MED13L: variants seen among roughly 807,000 people sequenced by gnomAD.
MED13L encodes mediator of RNA polymerase II transcription subunit 13-like.
Under a neutral mutation model 220.9 loss-of-function variants are expected in MED13L, and 7 were observed. The observed-to-expected ratio is 0.03, with a 90% confidence interval of 0.02 to 0.06. The LOEUF is 0.06. MED13L is among the 10% of genes least tolerant of loss of function. The pLI is 1.00. For synonymous variants in MED13L, 1,011 were observed against 1,015.2 expected (o/e 1.00, Z 0.08); for missense variants, 1,965 against 2,760.5 (o/e 0.71, Z 6.46).
chr12:116,050,893 C>A (rs896224193), intron 4 of MED13L, among the ~76,000 whole-genome samples: 2 of 152,064 alleles, frequency 1.3e-5, no homozygotes, highest in Non-Finnish European at 2.9e-5. Flanking sequence ...GAGCCGAGAT[C>A]ATGCACGCCA....
chr12:116,003,590 G>T (rs2288134), intron 13 of MED13L, among the ~76,000 whole-genome samples: 25,752 of 150,066 alleles, frequency 0.17, 2,392 homozygotes, highest in Middle Eastern at 0.26. Flanking sequence ...TAACCTTATT[G>T]TGTAAAATTA....
chr12:116,251,620 G>A (rs1165962781), intron 1 of MED13L, among the ~76,000 whole-genome samples: 1 of 151,328 alleles, frequency 6.6e-6, no homozygotes, highest in Non-Finnish European at 1.5e-5. Flanking sequence ...ACATTAGCCA[G>A]CATGGTGGCA....
chr12:116,249,907 T>A (rs144873877), intron 1 of MED13L, among the ~76,000 whole-genome samples: 1 of 150,010 alleles, frequency 6.7e-6, no homozygotes, highest in Non-Finnish European at 1.5e-5. Flanking sequence ...CGTCTCAGAA[T>A]GTAGGAGAGA....
In MED13L at chr12:116,017,871, T is replaced by C. The variant is rs1192844622; in HGVS notation, c.1009+1353A>G. 2.0e-5 allele frequency among the ~76,000 whole-genome samples: 3 copies of C among 152,090 alleles called. No homozygotes were observed. In the East Asian group the frequency reaches 5.8e-4, roughly 29 times the overall value. On this transcript the variant is annotated intron_variant, in intron 7 of 30. Coordinates refer to ENST00000281928, the MANE Select transcript of MED13L (RefSeq NM_015335.5). ...GCTCAAGCGATCCACCTGCCATGAC[T>C]TTCCAAAATGATGGGATTACAGGCA...
Position 116,186,966 on chromosome 12 carries a change from A to G in MED13L, c.310+50502T>C, listed in dbSNP as rs1880941112. Among the ~76,000 whole-genome samples the G allele has an allele frequency of 2.0e-5, 3 of 152,094 alleles. No individual in the cohort carries two copies. In the South Asian group the frequency reaches 6.2e-4, roughly 32 times the overall value. ...ATCTTTTCTACTGCTCTCCCAAACA[A>G]ACCTTCAACTCCAAACAGCTGCTTC... is the stretch of plus-strand genomic sequence containing the variant. On this transcript the variant is annotated intron_variant, in intron 2 of 30. Coordinates refer to ENST00000281928, the MANE Select transcript of MED13L (RefSeq NM_015335.5).
intron 2 of MED13L, among the ~76,000 whole-genome samples, chr12:116,179,236 T>TAC (rs1565915122): frequency 6.7e-6 from 1 of 148,968 alleles, no homozygotes; most frequent in Non-Finnish European, 1.5e-5. Flanking sequence ...TGTGTGTGTG[T>TAC]ACACAATTTT....
Position 115,959,743 on chromosome 12 carries a change from CCA to C in MED13L, c.*1521_*1522del, listed in dbSNP as rs1875644296. 1 of 152,584 alleles carries C rather than the reference CCA, an allele frequency of 6.6e-6. No individual in the cohort carries two copies. Among genetic ancestry groups the C allele is most frequent in the Non-Finnish European group, 1.5e-5 (1 of 68,030 alleles). 9.5% of individuals were successfully genotyped at this position (152,584 alleles called of 1,614,324 possible). A position where few individuals can be genotyped will look rare whatever the true frequency, so the allele number is the denominator to read the frequency against. ...TTATTTCTCTGCTTTCACATTCCCA[CCA>C]CACAACTTTTTTTTTAATATAATGT... is the stretch of plus-strand genomic sequence containing the variant. On this transcript the variant is annotated 3_prime_UTR_variant, in exon 31 of 31. Transcript: ENST00000281928.
chr12:116,273,042 T>C (rs1419976304), intron 1 of MED13L, among the ~76,000 whole-genome samples: 2 of 152,202 alleles, frequency 1.3e-5, no homozygotes, highest in South Asian at 2.1e-4. Flanking sequence ...TAGTGGCTCA[T>C]GCCTGTAATC....
In MED13L at chr12:115,963,865, C is replaced by G. The variant is rs189969709; in HGVS notation, c.6388-346G>C. ...AGATGCAACAATTATCAATATTCAC[C>G]ACTTTTCTGTTTTCATTTTCTTTTT... On this transcript the variant is annotated intron_variant, in intron 29 of 30. Transcript: ENST00000281928. Among the ~76,000 whole-genome samples the G allele has an allele frequency of 9.5e-4, 144 of 152,162 alleles. 1 individual carries two copies. Among genetic ancestry groups the G allele is most frequent in the African/African-American group, 3.3e-3 (136 of 41,504 alleles).
chr12:116,042,792 C>T (rs1881613340), intron 4 of MED13L, among the ~76,000 whole-genome samples: 1 of 152,088 alleles, frequency 6.6e-6, no homozygotes. Flanking sequence ...TCCTGTCTGA[C>T]TGAAGTATTA....
At chr12:116,045,577 T>C (rs1018705857) in intron 4 of MED13L, among the ~76,000 whole-genome samples, 103 of 152,158 alleles carry the variant, frequency 6.8e-4, no homozygotes, top group Non-Finnish European at 1.9e-4. Flanking sequence ...TGACATAAAA[T>C]ATGAGTCACA....
At chr12:115,997,340 C>T (rs992357180) in intron 14 of MED13L, 110 bp from the exon 15 acceptor site, 33 of 778,832 alleles carry the variant, frequency 4.2e-5, no homozygotes, top group Middle Eastern at 3.6e-4. Flanking sequence ...ATTAAATGAT[C>T]ACATCAGTTC....
chr12:115,969,806 A>T (rs1592898293), intron 27 of MED13L, among the ~76,000 whole-genome samples: 1 of 152,074 alleles, frequency 6.6e-6, no homozygotes, highest in Non-Finnish European at 1.5e-5. Flanking sequence ...TTACAGGCAT[A>T]AGCCACCGTG....
At chr12:116,139,447 G>A (rs926666778) in intron 2 of MED13L, among the ~76,000 whole-genome samples, 6 of 151,888 alleles carry the variant, frequency 4.0e-5, no homozygotes, top group Admixed American at 2.6e-4. Flanking sequence ...TTATAAATCC[G>A]CCAAGTGATC....
intron 4 of MED13L, among the ~76,000 whole-genome samples, chr12:116,046,359 C>A (rs772553233): frequency 1.0e-3 from 154 of 152,018 alleles, no homozygotes; most frequent in Admixed American, 6.4e-3. Context: ...AAAGTTAATG[C>A]TCTGATACAA....
rs56718605 is a variant in MED13L at position 116,119,810 on chromosome 12, A to T, written c.311-8298T>A. ...CAAGAGAGAAAGACCCCATATCTTT[A>T]AAAAAAAAAAAAAAAAAAAAAAAAA... On this transcript the variant is annotated intron_variant, in intron 2 of 30. Transcript: ENST00000281928. Among the ~76,000 whole-genome samples, 101 of 18,392 alleles carry T rather than the reference A, an allele frequency of 5.5e-3. 4 individuals are homozygous for T. Among genetic ancestry groups the T allele is most frequent in the Admixed American group, 0.022 (20 of 902 alleles). 12.1% of individuals were successfully genotyped at this position (18,392 alleles called of 152,430 possible). A position where few individuals can be genotyped will look rare whatever the true frequency, so the allele number is the denominator to read the frequency against.
At position 116,227,893 on chromosome 12, in the gene MED13L, G is replaced by A. The variant is rs900736913; in HGVS notation, c.310+9575C>T. Among the ~76,000 whole-genome samples the A allele has an allele frequency of 2.0e-5, 3 of 151,976 alleles. No homozygotes were observed. In the South Asian group the frequency reaches 6.2e-4, roughly 31 times the overall value. ...ATAGGCTGAAAACTAGTGCTTTTGA[G>A]CCAAGAAGCCAAGCTGTGAATGCAA... On this transcript the variant is annotated intron_variant, in intron 2 of 30. Coordinates refer to ENST00000281928, the MANE Select transcript of MED13L (RefSeq NM_015335.5).
chr12:116,205,822 C>T (rs1315237510), intron 2 of MED13L, among the ~76,000 whole-genome samples: 6 of 151,876 alleles, frequency 4.0e-5, no homozygotes, highest in Non-Finnish European at 5.9e-5. Context: ...AAATGAAAGC[C>T]GCCTCACCAC....
chr12:115,984,646 G>T, intron 19 of MED13L, among the ~76,000 whole-genome samples: 1 of 152,078 alleles, frequency 6.6e-6, no homozygotes, highest in East Asian at 1.9e-4. Context: ...TACAAGAGGA[G>T]GCTGCTGAAC....
Sources: allele counts gnomAD v4.1 joint callset (sites outside exome capture counted in the v4.1 genomes callset), GRCh38; gene constraint gnomAD v4.1.1; transcripts MANE v1.5; gene names NCBI Gene and HGNC (gene_info 2026-07-23, HGNC 2026-07-21).